Variants in AKAP12 observed in about 807,000 individuals in gnomAD.
The protein encoded by AKAP12 is A-kinase anchor protein 12.
In AKAP12, 32 loss-of-function variants were observed where a neutral mutation model predicts 79.9. The ratio of observed to expected loss-of-function variants is 0.40; its 90% confidence interval spans 0.30 to 0.54. The LOEUF is 0.54. Among genes scored for constraint, AKAP12 ranks in the 20% least tolerant of loss-of-function variants. The pLI is 0.48. For synonymous variants in AKAP12, 808 were observed against 857.0 expected (o/e 0.94, Z 1.00); for missense variants, 2,074 against 2,177.0 (o/e 0.95, Z 0.94).
At chr6:151,248,816 C>T (rs370158763) in intron 2 of AKAP12, among the ~76,000 whole-genome samples, 3 of 152,002 alleles carry the variant, frequency 2.0e-5, no homozygotes, top group East Asian at 1.9e-4. Context: ...GGTGAAACCC[C>T]ATCTCTATTA....
At chr6:151,246,574 G>A (rs2114677576) in intron 2 of AKAP12, among the ~76,000 whole-genome samples, 1 of 152,248 alleles carries the variant, frequency 6.6e-6, no homozygotes, top group South Asian at 2.1e-4. Context: ...TTGCCAATGT[G>A]CTAGGTGAAG....
At chr6:151,268,088 C>T (rs1776086940) in intron 2 of AKAP12, among the ~76,000 whole-genome samples, 1 of 152,160 alleles carries the variant, frequency 6.6e-6, no homozygotes, top group Non-Finnish European at 1.5e-5. Context: ...GATCTAGGAA[C>T]CCTCACGGGA....
At chr6:151,270,293 G>A (rs1776155425) in intron 2 of AKAP12, among the ~76,000 whole-genome samples, 2 of 152,316 alleles carry the variant, frequency 1.3e-5, no homozygotes, top group East Asian at 1.9e-4. Flanking sequence ...CGCAACCTCA[G>A]GTGATCTGCC....
intron 2 of AKAP12, among the ~76,000 whole-genome samples, chr6:151,270,608 CT>C: frequency 6.6e-6 from 1 of 152,198 alleles, no homozygotes; most frequent in East Asian, 1.9e-4. Context: ...AACTGGCAGA[CT>C]TTTCCAAAGC....
At chr6:151,328,378 C>A (rs1290995447) in intron 3 of AKAP12, among the ~76,000 whole-genome samples, 2 of 148,396 alleles carry the variant, frequency 1.3e-5, no homozygotes, top group African/African-American at 5.0e-5. Context: ...GCGGCTCACG[C>A]CTGTGATTCC....
intron 2 of AKAP12, among the ~76,000 whole-genome samples, chr6:151,267,371 C>G (rs1259937209): frequency 6.6e-6 from 1 of 152,170 alleles, no homozygotes; most frequent in Non-Finnish European, 1.5e-5. Context: ...GACTATTGTA[C>G]TTAATTGACA....
chr6:151,326,501 A>G (rs1027971914), intron 3 of AKAP12, among the ~76,000 whole-genome samples: 4 of 145,014 alleles, frequency 2.8e-5, no homozygotes, highest in Non-Finnish European at 3.0e-5. Flanking sequence ...AAAAAAAAAA[A>G]AAAAAGAAAA....
At chr6:151,266,941 C>T (rs1312659292) in intron 2 of AKAP12, among the ~76,000 whole-genome samples, 5 of 138,312 alleles carry the variant, frequency 3.6e-5, no homozygotes, top group Admixed American at 8.6e-5. Context: ...GGCGTGAACC[C>T]GGGAGGTGGA....
At chr6:151,354,083 CTTG>C (rs1425104475) in intron 4 of AKAP12, among the ~76,000 whole-genome samples, 23 of 151,446 alleles carry the variant, frequency 1.5e-4, no homozygotes, top group Admixed American at 1.5e-3. Flanking sequence ...ACTCAACTAT[CTTG>C]TTGAGTTTTT....
chr6:151,351,029 G>A lies in AKAP12; in HGVS notation c.2638G>A (p.Val880Met). The A allele has an allele frequency of 6.2e-7, 1 of 1,614,134 alleles. No individual in the cohort carries two copies. Among genetic ancestry groups the A allele is most frequent in the Non-Finnish European group, 8.5e-7 (1 of 1,180,030 alleles). ...EQPEQKAATE[V>M]SKELSESQVH... ...GCCCGAGCAGAAGGCAGCCACTGAG[G>A]TGTCCAAGGAGCTCAGCGAGAGTCA... The change falls in exon 4 of 5, where the codon GTG (valine) becomes ATG (methionine). Residue 880 changes from valine to methionine, a missense_variant. Val to Met is a conservative substitution (Grantham distance 21). Coordinates refer to ENST00000402676, the MANE Select transcript of AKAP12 (RefSeq NM_005100.4). This position sits in a 1 kb window ranked among gnomAD's most constrained non-coding sequence, Gnocchi z 4.4.
intron 3 of AKAP12, among the ~76,000 whole-genome samples, chr6:151,335,116 AT>A (rs1777778872): frequency 6.6e-6 from 1 of 151,956 alleles, no homozygotes; most frequent in Non-Finnish European, 1.5e-5. Context: ...TTATCTAACC[AT>A]GGGGACAGAA....
intron 3 of AKAP12, among the ~76,000 whole-genome samples, chr6:151,312,615 C>G (rs894460347): frequency 6.6e-6 from 1 of 152,048 alleles, no homozygotes; most frequent in Admixed American, 6.6e-5. Flanking sequence ...CACGGTGAAA[C>G]TCCGTCTCTA....
At chr6:151,253,771 A>T (rs1390042028) in intron 2 of AKAP12, among the ~76,000 whole-genome samples, 1 of 151,854 alleles carries the variant, frequency 6.6e-6, no homozygotes, top group Non-Finnish European at 1.5e-5. Flanking sequence ...TGGAGAGTGC[A>T]GTGGTGCTCA....
At chr6:151,249,727 A>G (rs1797139784) in intron 2 of AKAP12, among the ~76,000 whole-genome samples, 1 of 152,126 alleles carries the variant, frequency 6.6e-6, no homozygotes, top group Admixed American at 6.5e-5. Context: ...ATATGCATAA[A>G]CCTGTTTATT....
intron 3 of AKAP12, 99 bp from the exon 4 acceptor site, chr6:151,348,612 C>CG (rs1470619385): frequency 1.1e-6 from 1 of 891,538 alleles, no homozygotes; most frequent in Non-Finnish European, 1.7e-6. Context: ...GCCCTCCAGC[C>CG]GGGGCAAGAG....
intron 3 of AKAP12, among the ~76,000 whole-genome samples, chr6:151,332,042 T>TG (rs1777689725): frequency 3.9e-5 from 2 of 51,044 alleles, no homozygotes; most frequent in East Asian, 7.9e-4. Context: ...TGTTTTTTTT[T>TG]TTTTTTTTTT....
intron 2 of AKAP12, among the ~76,000 whole-genome samples, chr6:151,261,791 C>T (rs912114768): frequency 1.3e-5 from 2 of 149,116 alleles, no homozygotes; most frequent in African/African-American, 4.9e-5. Context: ...GAGTTTCACT[C>T]TTGTTCCCCA....
At chr6:151,309,414 G>T (rs1777043786) in intron 3 of AKAP12, among the ~76,000 whole-genome samples, 1 of 152,146 alleles carries the variant, frequency 6.6e-6, no homozygotes, top group Non-Finnish European at 1.5e-5. Flanking sequence ...CAACTGATGG[G>T]AGAAAATAAT....
In AKAP12 at chr6:151,295,357, TGA is replaced by T. The variant is rs533243244; in HGVS notation, c.163-10388_163-10387del. On this transcript the variant is annotated intron_variant, in intron 2 of 4. Transcript: ENST00000402676. Reference sequence around the variant, plus strand: ...AATCATTCTTTCTCATGTCTAAAGATGAGTTTGGGTTATTTCTCCTGAAATTA... The same window carrying T: ...AATCATTCTTTCTCATGTCTAAAGATGTTTGGGTTATTTCTCCTGAAATTA... 2.1e-3 allele frequency among the ~76,000 whole-genome samples: 322 copies of T among 152,326 alleles called. 2 individuals are homozygous for T. The highest frequency in any genetic ancestry group is 7.5e-3 in the African/African-American group (311 of 41,568).
Sources: allele counts gnomAD v4.1 joint callset (sites outside exome capture counted in the v4.1 genomes callset), GRCh38; gene constraint gnomAD v4.1.1; non-coding constraint Gnocchi (gnomAD v3.1); transcripts MANE v1.5; gene names NCBI Gene and HGNC (gene_info 2026-07-23, HGNC 2026-07-21).